SLC8A1: variants seen among roughly 807,000 people sequenced by gnomAD.
The protein encoded by SLC8A1 is solute carrier family 8 member A1, also known as sodium/calcium exchanger 1.
A neutral mutation model predicts 68.3 loss-of-function variants in SLC8A1; 18 were observed. The observed-to-expected ratio is 0.26, with a 90% CI of 0.18 to 0.39. SLC8A1 has a LOEUF of 0.39. Ranked by LOEUF, SLC8A1 falls within the 10% of genes least tolerant of loss-of-function variation. SLC8A1 has a pLI of 1.00. For synonymous variants in SLC8A1, 475 were observed against 415.5 expected (o/e 1.14, Z -1.74); for missense variants, 985 against 1,156.7 (o/e 0.85, Z 2.15).
chr2:40,239,007 G>A (rs777201593), intron 2 of SLC8A1, among the ~76,000 whole-genome samples: 18 of 151,260 alleles, frequency 1.2e-4, no homozygotes, highest in Non-Finnish European at 2.1e-4. Context: ...TTCTATTATT[G>A]AGGCAGTATA....
At chr2:40,451,736 A>ACCAC (rs1559735616) in intron 1 of SLC8A1, among the ~76,000 whole-genome samples, 168 bp downstream of exon 1, 30 of 46,412 alleles carry the variant, frequency 6.5e-4, no homozygotes, top group African/African-American at 2.1e-3. Context: ...CACACACCAC[A>ACCAC]TCACACACAC....
At chr2:40,173,658 A>G (rs768719430) in intron 4 of SLC8A1, among the ~76,000 whole-genome samples, 20 of 147,420 alleles carry the variant, frequency 1.4e-4, no homozygotes, top group Non-Finnish European at 2.9e-4. Flanking sequence ...TAGTATTTTC[A>G]TGATCAGAAA....
intron 7 of SLC8A1, among the ~76,000 whole-genome samples, chr2:40,132,317 T>C (rs2039546055): frequency 6.6e-6 from 1 of 152,168 alleles, no homozygotes. Context: ...AAGTCATTTA[T>C]TCTCTATGAG....
intron 2 of SLC8A1, among the ~76,000 whole-genome samples, chr2:40,238,628 G>T (rs781649342): frequency 6.6e-6 from 1 of 152,088 alleles, no homozygotes; most frequent in East Asian, 1.9e-4. Context: ...TTGGCTCCTC[G>T]ATCGTCTTCT....
chr2:40,495,866 A>G (rs571675807), intron 1 of SLC8A1, among the ~76,000 whole-genome samples: 15 of 152,194 alleles, frequency 9.9e-5, no homozygotes, highest in African/African-American at 2.6e-4. Flanking sequence ...CTTTATTGAT[A>G]GGATTAGGCT....
chr2:40,252,985 G>A (rs1347270831), intron 2 of SLC8A1, among the ~76,000 whole-genome samples: 7 of 138,842 alleles, frequency 5.0e-5, no homozygotes, highest in Non-Finnish European at 7.7e-5. Flanking sequence ...ATATGTATCT[G>A]TATATATGTA....
At chr2:40,287,400 G>T (rs779139834) in intron 2 of SLC8A1, among the ~76,000 whole-genome samples, 31 of 151,974 alleles carry the variant, frequency 2.0e-4, no homozygotes, top group Admixed American at 2.0e-3. Flanking sequence ...TAGGAGTCAG[G>T]CACTCACAGA....
chr2:40,479,555 T>C (rs566097123), intron 1 of SLC8A1, among the ~76,000 whole-genome samples: 3 of 152,338 alleles, frequency 2.0e-5, no homozygotes, highest in East Asian at 1.9e-4. Context: ...TAGGTATTTA[T>C]ATATTCTATA....
chr2:40,161,388 G>GTACTA (rs1043639700), intron 5 of SLC8A1, among the ~76,000 whole-genome samples: 4 of 152,086 alleles, frequency 2.6e-5, no homozygotes, highest in Non-Finnish European at 5.9e-5. Context: ...TTGTCTCTGG[G>GTACTA]TACTATTTTG....
At chr2:40,105,508 T>C (rs1213041024) in exon 8 of SLC8A1, 1 of 152,240 alleles carries the variant, frequency 6.6e-6, no homozygotes, top group Non-Finnish European at 1.5e-5. Context: ...ATTTTACTAA[T>C]GACATGACTT....
At chr2:40,181,342 C>A (rs1043678003) in intron 2 of SLC8A1, among the ~76,000 whole-genome samples, 1 of 152,272 alleles carries the variant, frequency 6.6e-6, no homozygotes, top group African/African-American at 2.4e-5. Context: ...ATAAAATAAG[C>A]ATTTATGATT....
In SLC8A1 at chr2:40,288,973, G is replaced by A. The variant is rs1041097963; in HGVS notation, c.1809-111118C>T. Among the ~76,000 whole-genome samples the A allele has an allele frequency of 3.3e-5, 5 of 150,694 alleles. 1 individual carries two copies. In the South Asian group the frequency reaches 6.3e-4, roughly 19 times the overall value. On this transcript the variant is annotated intron_variant, in intron 2 of 7. Coordinates refer to ENST00000406785, the Ensembl canonical transcript of SLC8A1. Reference sequence around the variant, plus strand: ...ACTTGGCCTCCCAAAATGTCAGTATGTTGGGATTAGGCGTGAGCCACTGGG... The same window carrying A: ...ACTTGGCCTCCCAAAATGTCAGTATATTGGGATTAGGCGTGAGCCACTGGG...
At chr2:40,355,669 C>T (rs1672446895) in intron 2 of SLC8A1, among the ~76,000 whole-genome samples, 1 of 152,124 alleles carries the variant, frequency 6.6e-6, no homozygotes, top group Non-Finnish European at 1.5e-5. Context: ...CTAAGCCAGT[C>T]AAAATCCAGC....
At chr2:40,156,322 T>C (rs1200561891) in intron 6 of SLC8A1, among the ~76,000 whole-genome samples, 1 of 151,822 alleles carries the variant, frequency 6.6e-6, no homozygotes, top group Non-Finnish European at 1.5e-5. Flanking sequence ...TTTGCCAAGA[T>C]TATACAGTTG....
intron 2 of SLC8A1, among the ~76,000 whole-genome samples, chr2:40,368,095 A>G (rs1676840808): frequency 6.6e-6 from 1 of 152,066 alleles, no homozygotes; most frequent in South Asian, 2.1e-4. Context: ...AGCTCTGATT[A>G]AGCAGTTATC....
chr2:40,215,643 C>CAAAAAAAAAAAAAA (rs56191722), intron 2 of SLC8A1, among the ~76,000 whole-genome samples: 4 of 69,924 alleles, frequency 5.7e-5, no homozygotes, highest in African/African-American at 1.7e-4. Context: ...GACTCCGTCT[C>CAAAAAAAAAAAAAA]AAAAAAAAAA....
chr2:40,314,471 C>G (rs2074175423), intron 2 of SLC8A1, among the ~76,000 whole-genome samples: 1 of 151,418 alleles, frequency 6.6e-6, no homozygotes, highest in Non-Finnish European at 1.5e-5. Context: ...GGTATTTTAG[C>G]TATTTTAGGT....
At chr2:40,154,131 A>C (rs11692455) in intron 6 of SLC8A1, among the ~76,000 whole-genome samples, 126,223 of 151,774 alleles carry the variant, frequency 0.83, 52,971 homozygotes, top group Non-Finnish European at 0.89. Flanking sequence ...TTACGTAACC[A>C]CTCTGGGCCT....
In SLC8A1 at chr2:40,330,209, C is replaced by T. The variant is rs74637667; in HGVS notation, c.1808+98264G>A. On this transcript the variant is annotated intron_variant, in intron 2 of 7. Transcript: ENST00000406785. ...GATCATTAGAAGGTACCATATTTTT[C>T]CATTTGCATAGTAGAGGCAGGATGA... Among the ~76,000 whole-genome samples the T allele has an allele frequency of 6.1e-3, 933 of 152,248 alleles. 13 individuals are homozygous for T. Among genetic ancestry groups the T allele is most frequent in the African/African-American group, 0.021 (888 of 41,556 alleles).
Sources: allele counts gnomAD v4.1 joint callset (sites outside exome capture counted in the v4.1 genomes callset), GRCh38; gene constraint gnomAD v4.1.1; transcripts MANE v1.5; gene names NCBI Gene and HGNC (gene_info 2026-07-23, HGNC 2026-07-21).